CDH13: variants seen among roughly 807,000 people sequenced by gnomAD.
CDH13 encodes the protein cadherin-13.
Under a neutral mutation model 63.8 loss-of-function variants are expected in CDH13, and 24 were observed. The observed-to-expected ratio is 0.38, with a 90% CI of 0.27 to 0.53. The LOEUF (loss-of-function observed/expected upper bound fraction) is 0.53, where lower values mean the gene tolerates loss of function less well. Among genes scored for constraint, CDH13 ranks in the 20% least tolerant of loss-of-function variants. CDH13 has a pLI of 0.85. For synonymous variants in CDH13, 503 were observed against 355.3 expected, an observed-to-expected ratio of 1.42 and a Z score of -4.67; for missense variants, 1,049 against 903.1, an observed-to-expected ratio of 1.16 and a Z score of -2.07.
At chr16:83,334,590 G>A (rs2151906440) in intron 5 of CDH13, among the ~76,000 whole-genome samples, 1 of 151,666 alleles carries the variant, frequency 6.6e-6, no homozygotes, top group African/African-American at 2.4e-5. Context: ...TGCTCAGGCT[G>A]GTCTCAAACT....
intron 2 of CDH13, among the ~76,000 whole-genome samples, chr16:83,012,058 A>G (rs1323913264): frequency 1.3e-5 from 2 of 152,176 alleles, no homozygotes; most frequent in Non-Finnish European, 2.9e-5. Flanking sequence ...TGTGTTACCC[A>G]GGACCATTTG....
chr16:82,992,309 C>A (rs1911747809), intron 2 of CDH13, among the ~76,000 whole-genome samples: 1 of 152,110 alleles, frequency 6.6e-6, no homozygotes, highest in African/African-American at 2.4e-5. Context: ...TCAGAATCAC[C>A]AAGGATGTTT....
chr16:83,082,198 G>C (rs187264960), intron 3 of CDH13, among the ~76,000 whole-genome samples: 1 of 152,154 alleles, frequency 6.6e-6, no homozygotes, highest in Admixed American at 6.5e-5. Context: ...AGTTCAGCTC[G>C]TAACATTCCA....
At chr16:83,781,690 G>A (rs982785399) in intron 12 of CDH13, among the ~76,000 whole-genome samples, 3 of 151,398 alleles carry the variant, frequency 2.0e-5, no homozygotes, top group Non-Finnish European at 4.4e-5. Flanking sequence ...TTATTTGCTA[G>A]TTTTTATGGC....
At chr16:82,733,230 C>T (rs1391940930) in intron 1 of CDH13, among the ~76,000 whole-genome samples, 5 of 152,196 alleles carry the variant, frequency 3.3e-5, no homozygotes, top group African/African-American at 1.2e-4. Context: ...AAAATCATTT[C>T]ACTGGTCCTC....
intron 5 of CDH13, among the ~76,000 whole-genome samples, chr16:83,333,326 T>C (rs1187955312): frequency 6.6e-6 from 1 of 152,170 alleles, no homozygotes; most frequent in African/African-American, 2.4e-5. Context: ...GAATTGAATC[T>C]AGTATACTGC....
intron 6 of CDH13, among the ~76,000 whole-genome samples, chr16:83,441,572 T>C (rs1370600129): frequency 6.6e-6 from 1 of 152,228 alleles, no homozygotes; most frequent in Non-Finnish European, 1.5e-5. Context: ...TTTACAACAT[T>C]TTTTTGCATG....
chr16:83,178,291 G>A (rs12925701), intron 4 of CDH13, among the ~76,000 whole-genome samples: 8 of 151,894 alleles, frequency 5.3e-5, no homozygotes, highest in South Asian at 2.1e-4. Flanking sequence ...GCCCTCCTCC[G>A]CCAGCTGCGA....
At chr16:83,270,240 T>A (rs552966800) in intron 5 of CDH13, among the ~76,000 whole-genome samples, 1 of 152,288 alleles carries the variant, frequency 6.6e-6, no homozygotes, top group South Asian at 2.1e-4. Context: ...TTGATGACTC[T>A]CTTAGTGCTA....
chr16:83,717,353 T>A (rs1909073454), intron 10 of CDH13, among the ~76,000 whole-genome samples: 1 of 152,192 alleles, frequency 6.6e-6, no homozygotes, highest in South Asian at 2.1e-4. Context: ...TCCCCACTTT[T>A]TGTATATATT....
intron 8 of CDH13, among the ~76,000 whole-genome samples, chr16:83,662,846 G>C (rs147473676): frequency 6.6e-6 from 1 of 152,274 alleles, no homozygotes; most frequent in African/African-American, 2.4e-5. Flanking sequence ...TTGTTGATGG[G>C]AACAGAGGTT....
chr16:83,482,342 A>G (rs2073790447), intron 6 of CDH13, among the ~76,000 whole-genome samples: 1 of 152,172 alleles, frequency 6.6e-6, no homozygotes. Context: ...AAAAAGATAG[A>G]CAGTTCTGAA....
intron 1 of CDH13, among the ~76,000 whole-genome samples, chr16:82,815,423 C>T (rs371706925): frequency 1.3e-5 from 2 of 151,982 alleles, no homozygotes; most frequent in African/African-American, 2.4e-5. Flanking sequence ...GGTGGTGTTG[C>T]GATTCTGAGG....
At position 83,700,091 on chromosome 16, in the gene CDH13, T is replaced by C. The variant is rs117658220; in HGVS notation, c.1538+21630T>C. On this transcript the variant is annotated intron_variant, in intron 10 of 13. Coordinates refer to ENST00000567109, the MANE Select transcript of CDH13 (RefSeq NM_001257.5). The stretch of plus-strand genomic sequence containing the variant: ...TCCTCCTTTCTGCCCCTCCTTTCCT[T>C]TACCTCAGCCCCAGGCAACCACTGA... 9.5e-3 allele frequency among the ~76,000 whole-genome samples: 1,447 copies of C among 152,286 alleles called. 65 individuals are homozygous for C. The highest frequency in any genetic ancestry group is 0.071 in the Admixed American group (1,087 of 15,292).
intron 5 of CDH13, among the ~76,000 whole-genome samples, chr16:83,334,270 C>T (rs80214883): frequency 6.6e-6 from 1 of 151,746 alleles, no homozygotes; most frequent in South Asian, 2.1e-4. Context: ...CTGTTTCTCT[C>T]TTTCTTCCTC....
At chr16:83,487,518 G>A (rs538711462) in intron 7 of CDH13, among the ~76,000 whole-genome samples, 22 of 152,096 alleles carry the variant, frequency 1.4e-4, no homozygotes, top group Admixed American at 1.3e-3. Context: ...GCCCTTTCCT[G>A]AGTTTGAGGT....
chr16:83,298,646 T>G (rs1295519217), intron 5 of CDH13, among the ~76,000 whole-genome samples: 1 of 152,170 alleles, frequency 6.6e-6, no homozygotes, highest in Non-Finnish European at 1.5e-5. Context: ...TTGATTTCCT[T>G]AGAAAACCTT....
At chr16:82,710,704 G>T (rs1227126007) in intron 1 of CDH13, among the ~76,000 whole-genome samples, 1 of 144,764 alleles carries the variant, frequency 6.9e-6, no homozygotes, top group Non-Finnish European at 1.5e-5. Context: ...ATTTATAAAT[G>T]TATTTTATAT....
intron 1 of CDH13, among the ~76,000 whole-genome samples, chr16:82,811,135 G>T (rs2037422069): frequency 6.6e-6 from 1 of 152,112 alleles, no homozygotes; most frequent in Admixed American, 6.6e-5. Flanking sequence ...ACAGGCATAG[G>T]TGTCCTGGAA....
Sources: gnomAD v4.1 joint callset for allele counts (sites outside exome capture counted in the v4.1 genomes callset) on GRCh38, gnomAD v4.1.1 for gene constraint, MANE v1.5 for transcripts, NCBI Gene and HGNC (gene_info 2026-07-23, HGNC 2026-07-21) for gene names.